The following KLRG1 variants were observed in gnomAD, a reference collection of about 807,000 sequenced individuals.
KLRG1 encodes the protein killer cell lectin-like receptor subfamily G member 1.
Under a neutral mutation model 21.8 loss-of-function variants are expected in KLRG1, and 16 were observed. The ratio of observed to expected loss-of-function variants is 0.73; its 90% CI spans 0.50 to 1.11. KLRG1 has a LOEUF of 1.11. Among genes scored for constraint, KLRG1 ranks in the 50% most tolerant of loss-of-function variants. The pLI, the probability that KLRG1 is intolerant of heterozygous loss-of-function variation, is 0.00. For synonymous variants in KLRG1, 69 were observed against 75.9 expected (o/e 0.91, Z 0.47); for missense variants, 173 against 218.3 (o/e 0.79, Z 1.31).
At chr12:9,169,427 TA>T in the KLRG1 span, 1 of 1,587,574 alleles carries the variant, frequency 6.3e-7, no homozygotes, top group Non-Finnish European at 8.6e-7. Context: ...GTGAGAATTT[TA>T]CCTTGAGGAA....
At chr12:9,056,085 G>C in the KLRG1 span, among the ~76,000 whole-genome samples, 2 of 152,326 alleles carry the variant, frequency 1.3e-5, no homozygotes, top group South Asian at 4.1e-4. Context: ...CTTGGGATAT[G>C]TAGAGCAAAC....
chr12:9,146,589 T>A, the KLRG1 span, among the ~76,000 whole-genome samples: 1 of 152,226 alleles, frequency 6.6e-6, no homozygotes, highest in Non-Finnish European at 1.5e-5. Flanking sequence ...TGTTGTTGCC[T>A]CTGCATTAGA....
the KLRG1 span, among the ~76,000 whole-genome samples, chr12:9,180,149 T>C: frequency 6.6e-6 from 1 of 152,170 alleles, no homozygotes; most frequent in Admixed American, 6.5e-5. Context: ...TTTATTTTAT[T>C]ATACTTTAAG....
At position 9,009,946 on chromosome 12, in the gene KLRG1, C is replaced by CAATAA; in HGVS notation, c.*409_*410insAATAA. ...TGTGTACTAGAGAAGTACATTATTG[C>CAATAA]TGTACTCCTCTGTACATTACTGATC... On this transcript the variant is annotated 3_prime_UTR_variant, in exon 5 of 5. Transcript: ENST00000356986. The CAATAA allele has an allele frequency of 6.6e-7, 1 of 1,511,690 alleles. No homozygotes were observed. The highest frequency in any genetic ancestry group is 8.9e-7 in the Non-Finnish European group (1 of 1,125,736). The allele number at this position is 1,511,690 out of a possible 1,614,324, so 93.6% of individuals were successfully genotyped here.
At chr12:9,103,659 C>T in the KLRG1 span, among the ~76,000 whole-genome samples, 85,257 of 152,048 alleles carry the variant, frequency 0.56, 25,529 homozygotes, top group African/African-American at 0.76. Flanking sequence ...GTGAATCATA[C>T]AGTATTGGTC....
chr12:9,066,098 A>G, the KLRG1 span: 1 of 152,778 alleles, frequency 6.5e-6, no homozygotes. Flanking sequence ...CTTCTGTTCC[A>G]TTGCTCAGTA....
chr12:9,058,574 C>T, the KLRG1 span: 1 of 151,968 alleles, frequency 6.6e-6, no homozygotes, highest in Admixed American at 6.6e-5. Flanking sequence ...TTAATATAAA[C>T]AAATCCATAC....
At position 8,995,508 on chromosome 12, in the gene KLRG1, C is replaced by A. The variant is rs180818734; in HGVS notation, c.357+220C>A. On this transcript the variant is annotated intron_variant, in intron 3 of 4. Transcript: ENST00000356986. Reference sequence around the variant, plus strand: ...CACTCTTTACCCTTATGCTGTCTGACCCAACAAACCTCAGTTACAGCAACC... The same window carrying A: ...CACTCTTTACCCTTATGCTGTCTGAACCAACAAACCTCAGTTACAGCAACC... Among the ~76,000 whole-genome samples, 54 of 152,098 alleles carry A rather than the reference C, an allele frequency of 3.6e-4. 1 individual carries two copies. Among genetic ancestry groups the A allele is most frequent in the African/African-American group, 1.3e-3 (53 of 41,480 alleles).
At chr12:9,053,742 G>A in the KLRG1 span, among the ~76,000 whole-genome samples, 5 of 152,258 alleles carry the variant, frequency 3.3e-5, no homozygotes. Flanking sequence ...ACCCTAGATC[G>A]TAGTTCCCCT....
chr12:9,193,836 AT>A, the KLRG1 span, among the ~76,000 whole-genome samples: 3 of 152,202 alleles, frequency 2.0e-5, no homozygotes, highest in Admixed American at 6.5e-5. Context: ...ATCAAATAAG[AT>A]TTTTTTCATA....
the KLRG1 span, among the ~76,000 whole-genome samples, chr12:9,202,956 A>C: frequency 6.6e-6 from 1 of 152,172 alleles, no homozygotes. Flanking sequence ...GTATATTCTG[A>C]AGCAATGGAG....
At chr12:9,101,815 C>T in the KLRG1 span, 1 of 701,320 alleles carries the variant, frequency 1.4e-6, no homozygotes, top group Non-Finnish European at 2.3e-6. Flanking sequence ...GGGAGAAGGA[C>T]CCCTGATTTT....
At chr12:9,112,213 T>G in the KLRG1 span, 2 of 1,613,782 alleles carry the variant, frequency 1.2e-6, no homozygotes, top group Non-Finnish European at 1.7e-6. Context: ...GAAATTTCAC[T>G]GAAACAGAAA....
chr12:9,208,114 A>T, the KLRG1 span: 13 of 611,718 alleles, frequency 2.1e-5, no homozygotes, highest in East Asian at 2.9e-4. Context: ...ATGAAAGACA[A>T]ACAAGGGATT....
chr12:9,194,703 A>T, the KLRG1 span, among the ~76,000 whole-genome samples: 2 of 152,168 alleles, frequency 1.3e-5, no homozygotes, highest in Admixed American at 6.5e-5. Flanking sequence ...TGACCTCGTG[A>T]TCTGCCCGCC....
chr12:8,957,674 A>G (rs1005186311), intron 1 of KLRG1, among the ~76,000 whole-genome samples: 8 of 152,162 alleles, frequency 5.3e-5, no homozygotes, highest in African/African-American at 1.9e-4. Context: ...TAAGTAAAAT[A>G]AGAGTTACTT....
upstream of KLRG1, among the ~76,000 whole-genome samples, chr12:8,985,280 G>A (rs144111387): frequency 8.6e-5 from 13 of 151,728 alleles, no homozygotes; most frequent in East Asian, 2.3e-3. Context: ...GTTTACATTG[G>A]ATGTGTAGGG....
At chr12:8,967,233 C>A (rs762673348) in intron 1 of KLRG1, among the ~76,000 whole-genome samples, 413 of 150,622 alleles carry the variant, frequency 2.7e-3, no homozygotes, top group Non-Finnish European at 5.1e-3. Context: ...ATACCTAATG[C>A]TAAATGACGA....
the KLRG1 span, among the ~76,000 whole-genome samples, chr12:9,097,634 T>TTTG: frequency 7.0e-5 from 5 of 71,920 alleles, no homozygotes; most frequent in South Asian, 1.6e-3. Context: ...ATGTAATTCT[T>TTTG]TTTTTTTTTT....
Sources: gnomAD v4.1 joint callset for allele counts (sites outside exome capture counted in the v4.1 genomes callset) on GRCh38, gnomAD v4.1.1 for gene constraint, MANE v1.5 for transcripts, NCBI Gene and HGNC (gene_info 2026-07-23, HGNC 2026-07-21) for gene names.